The following SCN7A variants were observed in gnomAD, a reference collection of about 807,000 sequenced individuals.
SCN7A encodes sodium channel protein type 7 subunit alpha.
SCN7A carries 138 observed loss-of-function variants against 155.2 expected under a neutral mutation model. The ratio of observed to expected loss-of-function variants is 0.89; its 90% CI spans 0.77 to 1.02. The LOEUF is 1.02. Among genes scored for constraint, SCN7A ranks in the 50% least tolerant of loss-of-function variants. The probability of loss-of-function intolerance (pLI) is 0.00; values close to 1 mark genes in which losing one functional copy is unlikely to be tolerated. For missense variants in SCN7A, 2,058 were observed against 1,986.6 expected, an observed-to-expected ratio of 1.04 and a Z score of -0.68; for synonymous variants, 693 against 649.0, an observed-to-expected ratio of 1.07 and a Z score of -1.03.
intron 7 of SCN7A, among the ~76,000 whole-genome samples, chr2:166,469,600 T>C (rs1433597594): frequency 6.6e-6 from 1 of 151,812 alleles, no homozygotes; most frequent in Non-Finnish European, 1.5e-5. Context: ...GGCTTCCAAC[T>C]CTAGTGAATG....
rs369186976 is a variant in SCN7A, at chr2:166,450,353, G to A, written c.1291-2645C>T. Among the ~76,000 whole-genome samples, 23 of 152,098 alleles carry A rather than the reference G, an allele frequency of 1.5e-4. No individual in the cohort carries two copies. The East Asian group carries it at 1.5e-3, about 10-fold the overall frequency. ...GGCTTGCGGGTGGGCAAGGGTTGAA[G>A]GACTGCCTATCGCTCACTACCTGGG... On this transcript the variant is annotated intron_variant, in intron 11 of 25. Coordinates refer to ENST00000643258, the MANE Select transcript of SCN7A (RefSeq NM_002976.4).
chr2:166,493,331 T>G (rs2105552480), intron 1 of SCN7A, among the ~76,000 whole-genome samples: 1 of 152,362 alleles, frequency 6.6e-6, no homozygotes, highest in East Asian at 1.9e-4. Context: ...ACCAATGTTC[T>G]AAGTTTTGAA....
In SCN7A at chr2:166,441,566, C is replaced by A. The variant is rs1163610565; in HGVS notation, c.1987G>T (p.Asp663Tyr). 6.2e-7 allele frequency: 1 copy of A among 1,613,936 alleles called. No individual in the cohort carries two copies. Among genetic ancestry groups the A allele is most frequent in the East Asian group, 2.2e-5 (1 of 44,876 alleles). ...ATGTGCCAGCGTGGGAGTTGACAGT[C>A]TTTGTCTATGTGGCAGACAAATTCT... is the stretch of plus-strand genomic sequence containing the variant. ...YEEFVCHIDK[D>Y]CQLPRWHMHD... Residue 663 changes from aspartate (D) to tyrosine (Y), a missense_variant, in exon 15 of 26, where the codon GAC becomes TAC. Coordinates refer to ENST00000643258, the MANE Select transcript of SCN7A (RefSeq NM_002976.4).
Position 166,441,442 on chromosome 2 carries a change from C to A in SCN7A, c.2111G>T (p.Trp704Leu), listed in dbSNP as rs762383719. 5.0e-6 allele frequency: 8 copies of A among 1,610,828 alleles called. No individual in the cohort carries two copies. The South Asian group carries it at 5.5e-5, about 11-fold the overall frequency. The stretch of plus-strand genomic sequence containing the variant: ...GACCATCAGGTAAAAAGGAATACAC[C>A]AGGATTGGCCTGCAACCTCCATACA... Reference protein sequence around the residue: ...WDCMEVAGQSWCIPFYLMVIL... With the variant: ...WDCMEVAGQSLCIPFYLMVIL... Residue 704 changes from tryptophan (W) to leucine (L), a missense_variant, in exon 15 of 26, where the codon TGG (tryptophan) becomes TTG (leucine). Coordinates refer to ENST00000643258, the MANE Select transcript of SCN7A (RefSeq NM_002976.4).
At chr2:166,461,048 C>CTTTT (rs34717897) in intron 10 of SCN7A, among the ~76,000 whole-genome samples, 10 of 96,676 alleles carry the variant, frequency 1.0e-4, no homozygotes, top group Non-Finnish European at 1.6e-4. Context: ...GTAATATTTT[C>CTTTT]TTTTTTTTTT....
chr2:166,489,519 C>T (rs1357607963), intron 1 of SCN7A, among the ~76,000 whole-genome samples: 1 of 152,176 alleles, frequency 6.6e-6, no homozygotes, highest in Non-Finnish European at 1.5e-5. Context: ...GACATCAATC[C>T]ACTTGAAATT....
chr2:166,406,253 C>T lies in SCN7A; in HGVS notation c.4376G>A (p.Gly1459Glu). ...SDCDPDKINP[G>E]TQVRGDCGNP... Reference sequence around the variant, plus strand: ...CCCACAATCTCCTCTAACTTGAGTCCCAGGGTTAATTTTATCAGGATCACA... The same window carrying T: ...CCCACAATCTCCTCTAACTTGAGTCTCAGGGTTAATTTTATCAGGATCACA... Residue 1459 changes from glycine to glutamate, a missense_variant, in exon 26 of 26, where the codon GGG becomes GAG. Gly to Glu is a moderately conservative substitution (Grantham distance 98). Transcript: ENST00000643258. The T allele has an allele frequency of 6.2e-7, 1 of 1,612,972 alleles. No individual in the cohort carries two copies. Among genetic ancestry groups the T allele is most frequent in the Non-Finnish European group, 8.5e-7 (1 of 1,179,518 alleles).
In SCN7A at chr2:166,429,201, T is replaced by C; in HGVS notation, c.2666A>G (p.Tyr889Cys). The C allele has an allele frequency of 1.3e-6, 2 of 1,545,806 alleles. No homozygotes were observed. Among genetic ancestry groups the C allele is most frequent in the South Asian group, 1.2e-5 (1 of 82,878 alleles). The part of the protein sequence containing the change: ...IAISEEEEMF[Y>C]GGERSKHLKN... ...CAGATGCTTTGATCTTTCACCTCCA[T>C]AGAACATTTCTTCTTCTTCAGAGAT... The change falls in exon 17 of 26, where the codon TAT becomes TGT. Residue 889 changes from tyrosine to cysteine, a missense_variant. By Grantham distance (194) the Tyr-to-Cys change is radical. Transcript: ENST00000643258.
At chr2:166,411,913 G>C (rs1261638687) in intron 23 of SCN7A, among the ~76,000 whole-genome samples, 1 of 152,198 alleles carries the variant, frequency 6.6e-6, no homozygotes, top group South Asian at 2.1e-4. Flanking sequence ...TCCCAAAAGA[G>C]ATTAGGTGCC....
chr2:166,408,652 T>C (rs1701128709), intron 25 of SCN7A, among the ~76,000 whole-genome samples: 1 of 151,990 alleles, frequency 6.6e-6, no homozygotes, highest in Admixed American at 6.6e-5. Flanking sequence ...TGAAGCTTCT[T>C]ACGGTTTTTT....
intron 11 of SCN7A, among the ~76,000 whole-genome samples, chr2:166,453,040 A>G (rs1702206151): frequency 6.6e-6 from 1 of 152,156 alleles, no homozygotes; most frequent in Non-Finnish European, 1.5e-5. Flanking sequence ...TGTTATCTAT[A>G]ATTAACGAGT....
intron 18 of SCN7A, 81 bp downstream of exon 18, chr2:166,427,707 C>T: frequency 7.9e-7 from 1 of 1,272,180 alleles, no homozygotes; most frequent in East Asian, 2.5e-5. Context: ...AAATGTAATC[C>T]TGGTTTTGAC....
In SCN7A at chr2:166,472,407, A is replaced by G. The variant is rs978638232; in HGVS notation, c.482T>C (p.Val161Ala). 1 of 1,606,432 alleles carries G rather than the reference A, an allele frequency of 6.2e-7. No homozygotes were observed. The highest frequency in any genetic ancestry group is 8.5e-7 in the Non-Finnish European group (1 of 1,175,164). Residue 161 changes from valine (V) to alanine (A), a missense_variant, in exon 6 of 26, where the codon GTA becomes GCA. Transcript: ENST00000643258. Reference sequence around the variant, plus strand: ...CCAGACACCTCTTGCAAAGAGTTTTACAAGTATTTCAAATGTGTAAATTCC... The same window carrying G: ...CCAGACACCTCTTGCAAAGAGTTTTGCAAGTATTTCAAATGTGTAAATTCC... ...LLGIYTFEIL[V>A]KLFARGVWAG...
At position 166,423,276 on chromosome 2, in the gene SCN7A, C is replaced by T; in HGVS notation, c.3010G>A (p.Asp1004Asn). 1 of 1,603,092 alleles carries T rather than the reference C, an allele frequency of 6.2e-7. No individual in the cohort carries two copies. The highest frequency in any genetic ancestry group is 8.5e-7 in the Non-Finnish European group (1 of 1,177,076). ...ATACGTACAATAACAACCACGAAGT[C>T]CAGCCTGTACCAGCCATTAGAGAAA... ...AYFSNGWYRL[D>N]FVVVIVFCLS... The change falls in exon 19 of 26, where the codon GAC becomes AAC. Residue 1004 changes from aspartate (D) to asparagine (N), a missense_variant. Transcript: ENST00000643258.
At position 166,412,498 on chromosome 2, in the gene SCN7A, A is replaced by T. The variant is rs1336898818; in HGVS notation, c.3606+32T>A. 3 of 1,382,372 alleles carry T rather than the reference A, an allele frequency of 2.2e-6. No homozygotes were observed. The East Asian group carries it at 8.8e-5, about 41-fold the overall frequency. The allele number at this position is 1,382,372 out of a possible 1,614,324, so 85.6% of individuals were successfully genotyped here. The stretch of plus-strand genomic sequence containing the variant: ...TTATGTGTATGCCTGATTTTCTCAG[A>T]CATTGGATAAACAAATAATATTTAT... On this transcript the variant is annotated intron_variant, in intron 23 of 25. Transcript: ENST00000643258.
intron 14 of SCN7A, 41 bp from the exon 15 acceptor site, chr2:166,441,793 C>A (rs754292940): frequency 6.7e-7 from 1 of 1,496,050 alleles, no homozygotes; most frequent in Non-Finnish European, 9.1e-7. Context: ...AAACAAATGA[C>A]AAAAAACTTG....
chr2:166,442,523 C>T (rs1213727976), intron 14 of SCN7A, among the ~76,000 whole-genome samples: 1 of 151,842 alleles, frequency 6.6e-6, no homozygotes, highest in Non-Finnish European at 1.5e-5. Context: ...GAGTAGCTGA[C>T]ACTACAGACA....
chr2:166,455,861 AT>A (rs1702262809), intron 11 of SCN7A, among the ~76,000 whole-genome samples: 1 of 152,098 alleles, frequency 6.6e-6, no homozygotes, highest in African/African-American at 2.4e-5. Flanking sequence ...TGTTTTACTT[AT>A]TTTGAACCAG....
intron 7 of SCN7A, among the ~76,000 whole-genome samples, chr2:166,467,532 T>A (rs895962307): frequency 6.6e-6 from 1 of 150,752 alleles, no homozygotes; most frequent in Non-Finnish European, 1.5e-5. Flanking sequence ...GATAGATAGA[T>A]AATTTCCATC....
Sources: allele counts gnomAD v4.1 joint callset (sites outside exome capture counted in the v4.1 genomes callset), GRCh38; gene constraint gnomAD v4.1.1; transcripts MANE v1.5; gene names NCBI Gene and HGNC (gene_info 2026-07-23, HGNC 2026-07-21).